The following NFIB variants were observed in gnomAD, a reference collection of about 807,000 sequenced individuals.
NFIB encodes the protein nuclear factor 1 B-type.
A neutral mutation model predicts 61.5 loss-of-function variants in NFIB; 11 were observed. The ratio of observed to expected loss-of-function variants is 0.18; its 90% CI spans 0.11 to 0.30. The LOEUF (loss-of-function observed/expected upper bound fraction) is 0.30, where lower values mean the gene tolerates loss of function less well. Among genes scored for constraint, NFIB ranks in the 10% least tolerant of loss-of-function variants. The pLI, the probability that NFIB is intolerant of heterozygous loss-of-function variation, is 1.00. For missense variants in NFIB, 471 were observed against 608.9 expected (o/e 0.77, Z 2.38); for synonymous variants, 260 against 216.5 (o/e 1.20, Z -1.76).
At chr9:14,322,877 G>C (rs992824436) in intron 1 of NFIB, among the ~76,000 whole-genome samples, 1 of 151,974 alleles carries the variant, frequency 6.6e-6, no homozygotes, top group Admixed American at 6.5e-5. Flanking sequence ...GGGGGCTGCT[G>C]CCCAGGCTCC....
chr9:14,465,397 A>G, the NFIB span, among the ~76,000 whole-genome samples: 1 of 152,300 alleles, frequency 6.6e-6, no homozygotes, highest in South Asian at 2.1e-4. Flanking sequence ...GGAAGAACAT[A>G]TTTCAAAAAA....
At chr9:14,492,727 T>A in the NFIB span, among the ~76,000 whole-genome samples, 5 of 152,094 alleles carry the variant, frequency 3.3e-5, no homozygotes, top group African/African-American at 1.2e-4. Flanking sequence ...CCCACCTCCA[T>A]CATTGGGGAT....
chr9:14,330,315 C>A lies in NFIB; in HGVS notation c.109-22795G>T, dbSNP rs1330366114. Among the ~76,000 whole-genome samples, 2 of 152,100 alleles carry A rather than the reference C, an allele frequency of 1.3e-5. 1 individual carries two copies. The highest frequency in any genetic ancestry group is 1.3e-4 in the Admixed American group (2 of 15,278). ...TACCTCACAGAAATGTGATCATGTG[C>A]TAAGACCCTAGTAGAGAATCATCAT... is the stretch of plus-strand genomic sequence containing the variant. On this transcript the variant is annotated intron_variant, in intron 1 of 8. Coordinates refer to the NFIB transcript ENST00000380934.
At chr9:14,347,753 C>G (rs769934000) in intron 1 of NFIB, among the ~76,000 whole-genome samples, 1 of 152,130 alleles carries the variant, frequency 6.6e-6, no homozygotes, top group Non-Finnish European at 1.5e-5. Flanking sequence ...GCCAGGAGTT[C>G]CGCGGTTTTT....
At chr9:14,226,099 T>C (rs1455783932) in intron 2 of NFIB, among the ~76,000 whole-genome samples, 2 of 152,200 alleles carry the variant, frequency 1.3e-5, no homozygotes, top group African/African-American at 4.8e-5. Flanking sequence ...GCATTTTTTT[T>C]TTTCTAAAAT....
At chr9:14,175,754 T>C (rs1261997972) in intron 3 of NFIB, among the ~76,000 whole-genome samples, 2 of 152,216 alleles carry the variant, frequency 1.3e-5, no homozygotes, top group South Asian at 4.1e-4. Flanking sequence ...AAGAAAGTTC[T>C]GCTTAATGAT....
intron 1 of NFIB, among the ~76,000 whole-genome samples, chr9:14,368,602 C>T (rs150148999): frequency 6.6e-6 from 1 of 152,278 alleles, no homozygotes; most frequent in Non-Finnish European, 1.5e-5. Context: ...ATCTTTGGTT[C>T]AGTCATCTGA....
At chr9:14,322,005 C>G (rs1385073924) in intron 1 of NFIB, 12 of 1,227,522 alleles carry the variant, frequency 9.8e-6, no homozygotes, top group Non-Finnish European at 1.2e-5. Flanking sequence ...GGGCCGCTGA[C>G]TTGACGTGTC....
chr9:14,519,844 A>T, the NFIB span, among the ~76,000 whole-genome samples: 2 of 152,206 alleles, frequency 1.3e-5, 1 homozygote, highest in South Asian at 4.1e-4. Context: ...TTGGGAGTTG[A>T]GCCCAGATAG....
the NFIB span, among the ~76,000 whole-genome samples, chr9:14,477,057 T>A: frequency 1.1e-4 from 16 of 152,204 alleles, no homozygotes; most frequent in Non-Finnish European, 2.4e-4. Flanking sequence ...AATTGTTAAG[T>A]GCTCATCTTG....
At chr9:14,242,055 G>A (rs1166154412) in intron 2 of NFIB, among the ~76,000 whole-genome samples, 1 of 152,070 alleles carries the variant, frequency 6.6e-6, no homozygotes, top group Non-Finnish European at 1.5e-5. Flanking sequence ...AGCCTATAAG[G>A]CAAACCAGCC....
chr9:14,472,735 GGA>G, the NFIB span, among the ~76,000 whole-genome samples: 1 of 152,174 alleles, frequency 6.6e-6, no homozygotes, highest in South Asian at 2.1e-4. Flanking sequence ...CAGCTACTCG[GGA>G]GGCTGAGGCA....
chr9:14,507,474 CA>C, the NFIB span, among the ~76,000 whole-genome samples: 1 of 152,126 alleles, frequency 6.6e-6, no homozygotes, highest in African/African-American at 2.4e-5. Flanking sequence ...ATATATGTAA[CA>C]TTTTTCTTTG....
chr9:14,261,698 T>C (rs367982000), intron 2 of NFIB, among the ~76,000 whole-genome samples: 6 of 152,118 alleles, frequency 3.9e-5, no homozygotes, highest in African/African-American at 1.4e-4. Context: ...AAATGATTTT[T>C]AGGGGAACTT....
chr9:14,460,517 TAA>T, the NFIB span, among the ~76,000 whole-genome samples: 2 of 145,786 alleles, frequency 1.4e-5, no homozygotes, highest in Non-Finnish European at 3.0e-5. Context: ...TAAAGTATAA[TAA>T]AAAAAAAAGA....
chr9:14,085,851 A>G lies in NFIB; in HGVS notation c.*2458T>C. Reference sequence around the variant, plus strand: ...AGGTCTAATGTGTTTTCTAGGAGAAAGAATATTCATGTGTTAAACTCTCAA... The same window carrying G: ...AGGTCTAATGTGTTTTCTAGGAGAAGGAATATTCATGTGTTAAACTCTCAA... On this transcript the variant is annotated 3_prime_UTR_variant, in exon 11 of 11. Transcript: ENST00000380953. The G allele has an allele frequency of 4.5e-6, 1 of 223,080 alleles. No individual in the cohort carries two copies. The highest frequency in any genetic ancestry group is 9.0e-6 in the Non-Finnish European group (1 of 111,532). The allele number at this position is 223,080 out of a possible 1,614,324, so 13.8% of individuals were successfully genotyped here.
At chr9:14,342,910 A>G (rs2060969340) in intron 1 of NFIB, among the ~76,000 whole-genome samples, 1 of 152,130 alleles carries the variant, frequency 6.6e-6, no homozygotes, top group Non-Finnish European at 1.5e-5. Context: ...AGACTAAATG[A>G]GTTTTCTCCC....
the NFIB span, among the ~76,000 whole-genome samples, chr9:14,445,337 G>C: frequency 6.6e-6 from 1 of 151,266 alleles, no homozygotes; most frequent in Non-Finnish European, 1.5e-5. Context: ...CAAGTTTGAA[G>C]GAAAGGAGTG....
chr9:14,209,315 T>C (rs2050072738), intron 2 of NFIB, among the ~76,000 whole-genome samples: 2 of 152,206 alleles, frequency 1.3e-5, no homozygotes, highest in African/African-American at 2.4e-5. Context: ...AGGAAAAGGA[T>C]CACAATCGAT....
Sources: gnomAD v4.1 joint callset for allele counts (sites outside exome capture counted in the v4.1 genomes callset) on GRCh38, gnomAD v4.1.1 for gene constraint, MANE v1.5 for transcripts, NCBI Gene and HGNC (gene_info 2026-07-23, HGNC 2026-07-21) for gene names.